The following MDN1 variants were observed in gnomAD, a reference collection of about 807,000 sequenced individuals.
The protein encoded by MDN1 is midasin AAA ATPase 1.
MDN1 carries 266 observed loss-of-function variants against 669.2 expected under a neutral mutation model. The ratio of observed to expected loss-of-function variants is 0.40; its 90% CI spans 0.36 to 0.44. MDN1 has a LOEUF of 0.44. Among genes scored for constraint, MDN1 ranks in the 20% least tolerant of loss-of-function variants. The pLI is 1.00. For missense variants in MDN1, 5,940 were observed against 6,754.0 expected, an observed-to-expected ratio of 0.88 and a Z score of 4.22; for synonymous variants, 2,385 against 2,457.1, an observed-to-expected ratio of 0.97 and a Z score of 0.87.
chr6:89,805,022 G>A (rs866266740), intron 1 of MDN1, among the ~76,000 whole-genome samples: 256 of 111,094 alleles, frequency 2.3e-3, no homozygotes, highest in African/African-American at 8.4e-3. Context: ...GGGCGACAGC[G>A]AGACTCCGTC....
At position 89,728,922 on chromosome 6, in the gene MDN1, C is replaced by A. The variant is rs762620874; in HGVS notation, c.5349+9G>T. 10 of 1,612,144 alleles carry A rather than the reference C, an allele frequency of 6.2e-6. No homozygotes were observed. In the South Asian group the frequency reaches 1.1e-4, roughly 18 times the overall value. ...CTATCTCCATCAGCTGTAGGATGAC[C>A]GAGCTTACCGTTTGCTCTGATAAGT... On this transcript the variant is annotated intron_variant, in intron 36 of 101. Coordinates refer to ENST00000369393, the MANE Select transcript of MDN1 (RefSeq NM_014611.3).
intron 33 of MDN1, among the ~76,000 whole-genome samples, chr6:89,737,481 T>C (rs1319510684): frequency 6.6e-6 from 1 of 152,188 alleles, no homozygotes; most frequent in African/African-American, 2.4e-5. Context: ...ATTTATTCCA[T>C]TGAATGTCTA....
At chr6:89,664,687 G>A (rs1810058034) in intron 84 of MDN1, 59 bp from the exon 85 acceptor site, 2 of 1,413,894 alleles carry the variant, frequency 1.4e-6, no homozygotes, top group Non-Finnish European at 2.0e-6. Flanking sequence ...TGCTTCAGCT[G>A]TGAGATATAA....
chr6:89,668,311 TCTC>T (rs1202186290), intron 83 of MDN1, among the ~76,000 whole-genome samples, 160 bp from the exon 84 acceptor site: 1 of 152,268 alleles, frequency 6.6e-6, no homozygotes, highest in East Asian at 1.9e-4. Context: ...CTGACATTCT[TCTC>T]CTCTTTGGTG....
Position 89,671,052 on chromosome 6 carries a change from A to G in MDN1, c.13823T>C (p.Val4608Ala), listed in dbSNP as rs918380019. 6.2e-7 allele frequency: 1 copy of G among 1,614,086 alleles called. No homozygotes were observed. Among genetic ancestry groups the G allele is most frequent in the African/African-American group, 1.3e-5 (1 of 75,032 alleles). ...LFFSQSCSLL[V>A]RLVPVLSSYS... is the part of the protein sequence containing the mutation. Reference sequence around the variant, plus strand: ...GCTGGAGAGGACCGGCACCAGGCGCACCAGCAAGGAACAGGATTGGCTGAA... The same window carrying G: ...GCTGGAGAGGACCGGCACCAGGCGCGCCAGCAAGGAACAGGATTGGCTGAA... The change falls in exon 83 of 102, where the codon GTG becomes GCG. Residue 4608 changes from valine (V) to alanine (A), a missense_variant. Val to Ala is a moderately conservative substitution (Grantham distance 64). This residue lies in a region of MDN1 where 2,280 missense variants were observed against 2,576.3 expected (regional missense o/e 0.88). Transcript: ENST00000369393.
In MDN1 at chr6:89,737,686, C is replaced by T. The variant is rs562237642; in HGVS notation, c.4723+640G>A. Among the ~76,000 whole-genome samples, 16 of 150,242 alleles carry T rather than the reference C, an allele frequency of 1.1e-4. No homozygotes were observed. In the East Asian group the frequency reaches 2.5e-3, roughly 24 times the overall value. ...TAATTAATTTTGAGATGGAGTCTGT[C>T]GCCCAGGCTGGAGTACAATGGTGCA... On this transcript the variant is annotated intron_variant, in intron 33 of 101. Coordinates refer to ENST00000369393, the MANE Select transcript of MDN1 (RefSeq NM_014611.3).
chr6:89,776,604 T>C lies in MDN1; in HGVS notation c.1817A>G (p.Lys606Arg). 6.2e-7 allele frequency: 1 copy of C among 1,606,142 alleles called. No individual in the cohort carries two copies. The highest frequency in any genetic ancestry group is 8.5e-7 in the Non-Finnish European group (1 of 1,174,494). ...VIGSKLNISR[K>R]KAEFFCQLYK... is the part of the protein sequence containing the mutation. The stretch of plus-strand genomic sequence containing the variant: ...GTAAAAAAACAGCACACATACCTTT[T>C]TTCTAGAAATGTTCAATTTGCTTCC... Residue 606 changes from lysine to arginine, a missense_variant, in exon 12 of 102, where the codon AAA becomes AGA. Around this residue, in one of 5 missense-constraint regions of MDN1, gnomAD observed 1,203 missense variants for 1,268.9 expected, o/e 0.95. Coordinates refer to ENST00000369393, the MANE Select transcript of MDN1 (RefSeq NM_014611.3).
At chr6:89,663,296 T>C (rs989630530) in intron 85 of MDN1, among the ~76,000 whole-genome samples, 2 of 152,202 alleles carry the variant, frequency 1.3e-5, no homozygotes, top group Admixed American at 6.5e-5. Context: ...ATGATGGGGT[T>C]GGACTAGGTG....
At chr6:89,735,884 G>C (rs1395042201) in intron 33 of MDN1, among the ~76,000 whole-genome samples, 6 of 152,146 alleles carry the variant, frequency 3.9e-5, no homozygotes, top group Admixed American at 3.3e-4. Context: ...GCTGGGCGTT[G>C]TGGCACATGC....
At chr6:89,758,632 C>A (rs370104667) in intron 18 of MDN1, among the ~76,000 whole-genome samples, 184 bp downstream of exon 18, 21 of 152,264 alleles carry the variant, frequency 1.4e-4, no homozygotes, top group Admixed American at 3.3e-4. Flanking sequence ...TTATATTATT[C>A]TTCTTTGCAT....
In MDN1 at chr6:89,702,081, G is replaced by A. The variant is rs1307422994; in HGVS notation, c.8149-20C>T. 1.9e-6 allele frequency: 3 copies of A among 1,565,836 alleles called. No individual in the cohort carries two copies. The South Asian group carries it at 3.6e-5, about 19-fold the overall frequency. Reference sequence around the variant, plus strand: ...TAAGATCTAAAAACAAAGTCTCTTAGATAAGATGGCATGAAGAAAGACTAA... The same window carrying A: ...TAAGATCTAAAAACAAAGTCTCTTAAATAAGATGGCATGAAGAAAGACTAA... On this transcript the variant is annotated intron_variant, in intron 53 of 101. Transcript: ENST00000369393.
intron 84 of MDN1, 52 bp from the exon 85 acceptor site, chr6:89,664,680 T>A: frequency 6.8e-7 from 1 of 1,472,008 alleles, no homozygotes; most frequent in Non-Finnish European, 9.4e-7. Context: ...CAATGTTTGC[T>A]TCAGCTGTGA....
intron 5 of MDN1, among the ~76,000 whole-genome samples, chr6:89,793,130 T>C (rs1819368673): frequency 6.6e-6 from 1 of 152,150 alleles, no homozygotes; most frequent in Non-Finnish European, 1.5e-5. Context: ...AAGAAGCTTG[T>C]TGCATATGGG....
intron 19 of MDN1, among the ~76,000 whole-genome samples, chr6:89,757,875 G>A (rs976293390): frequency 2.7e-5 from 4 of 147,690 alleles, no homozygotes; most frequent in Non-Finnish European, 4.6e-5. Flanking sequence ...GAAACCCAGT[G>A]TCTACTAAAA....
chr6:89,702,472 T>C (rs1267666590), intron 53 of MDN1, among the ~76,000 whole-genome samples: 1 of 152,274 alleles, frequency 6.6e-6, no homozygotes, highest in Non-Finnish European at 1.5e-5. Flanking sequence ...ATTTTAACTT[T>C]AGTTTTAATT....
chr6:89,738,535 T>C, intron 32 of MDN1, 80 bp from the exon 33 acceptor site: 5 of 1,512,906 alleles, frequency 3.3e-6, no homozygotes, highest in Non-Finnish European at 4.5e-6. Flanking sequence ...AGAATGTTGT[T>C]AGCTGTTAAG....
chr6:89,745,219 G>T, intron 29 of MDN1, 54 bp downstream of exon 29: 1 of 1,525,210 alleles, frequency 6.6e-7, no homozygotes, highest in Non-Finnish European at 8.9e-7. Flanking sequence ...GATAACTCAA[G>T]TAATCCTATG....
At chr6:89,791,524 T>G (rs1278203464) in intron 5 of MDN1, among the ~76,000 whole-genome samples, 1 of 152,204 alleles carries the variant, frequency 6.6e-6, no homozygotes, top group African/African-American at 2.4e-5. Context: ...AATTGATAAT[T>G]ATTGAATACC....
intron 53 of MDN1, among the ~76,000 whole-genome samples, chr6:89,702,519 T>A (rs1393390961): frequency 6.6e-6 from 1 of 152,276 alleles, no homozygotes; most frequent in Non-Finnish European, 1.5e-5. Flanking sequence ...GCACTGCGGT[T>A]TCAAGTTACA....
Sources: gnomAD v4.1 joint callset for allele counts (sites outside exome capture counted in the v4.1 genomes callset) on GRCh38, gnomAD v4.1.1 for gene constraint, gnomAD v4.1.1 regional missense constraint, MANE v1.5 for transcripts, NCBI Gene and HGNC (gene_info 2026-07-23, HGNC 2026-07-21) for gene names.